The following PDE1C variants were observed in gnomAD, a reference collection of about 807,000 sequenced individuals.
PDE1C encodes phosphodiesterase 1C.
Under a neutral mutation model 93.1 loss-of-function variants are expected in PDE1C, and 62 were observed. That is an observed-to-expected ratio of 0.67 (90% CI 0.54 to 0.82). The LOEUF (loss-of-function observed/expected upper bound fraction) is 0.82. Among genes scored for constraint, PDE1C ranks in the 40% least tolerant of loss-of-function variants. The pLI, the probability that PDE1C is intolerant of heterozygous loss-of-function variation, is 0.00. For synonymous variants in PDE1C, 325 were observed against 310.1 expected (o/e 1.05, Z -0.50); for missense variants, 742 against 884.6 (o/e 0.84, Z 2.04).
intron 2 of PDE1C, among the ~76,000 whole-genome samples, chr7:31,915,699 A>T (rs1008805344): frequency 6.6e-6 from 1 of 152,316 alleles, no homozygotes; most frequent in South Asian, 2.1e-4. Flanking sequence ...ATATATTAGC[A>T]ACTTAGAGAA....
the PDE1C span, among the ~76,000 whole-genome samples, chr7:31,727,988 G>C: frequency 6.6e-6 from 1 of 152,146 alleles, no homozygotes; most frequent in African/African-American, 2.4e-5. Flanking sequence ...AGGTTGTAGT[G>C]AGCTGAGATC....
At chr7:32,323,002 A>G (rs1377223523) in intron 1 of PDE1C, among the ~76,000 whole-genome samples, 2 of 152,200 alleles carry the variant, frequency 1.3e-5, no homozygotes, top group Non-Finnish European at 2.9e-5. Context: ...AAAGGGACCA[A>G]CAAAGACTGG....
chr7:32,354,351 G>A (rs1783992039), intron 1 of PDE1C, among the ~76,000 whole-genome samples: 1 of 152,100 alleles, frequency 6.6e-6, no homozygotes, highest in Non-Finnish European at 1.5e-5. Flanking sequence ...TTTGGGCCAG[G>A]TGCAGTAGCT....
At chr7:31,815,086 C>G (rs1051611544) in intron 15 of PDE1C, among the ~76,000 whole-genome samples, 1 of 151,990 alleles carries the variant, frequency 6.6e-6, no homozygotes, top group African/African-American at 2.4e-5. Flanking sequence ...CATTCAAAAC[C>G]CCCTCTTGAA....
intron 2 of PDE1C, among the ~76,000 whole-genome samples, chr7:31,944,417 G>C (rs140922843): frequency 0.01 from 1,593 of 152,304 alleles, 15 homozygotes; most frequent in Non-Finnish European, 0.019. Context: ...TGCCATTCAA[G>C]GCAGCTCTCC....
rs1239479035 is a variant in PDE1C at position 32,338,473 on chromosome 7, C to CA, written c.310+89348dup. 8.6e-5 allele frequency among the ~76,000 whole-genome samples: 13 copies of CA among 152,032 alleles called. No homozygotes were observed. In the South Asian group the frequency reaches 1.0e-3, roughly 12 times the overall value. On this transcript the variant is annotated intron_variant, in intron 1 of 1. Transcript: ENST00000672256. ...ACTAGTTAAAACAAAACAAAACAAA[C>CA]AAAAAAACAGAAAACTAGTGTTGGC...
At chr7:31,932,485 T>C (rs1350019095) in intron 2 of PDE1C, among the ~76,000 whole-genome samples, 2 of 152,232 alleles carry the variant, frequency 1.3e-5, no homozygotes, top group Middle Eastern at 6.8e-3. Flanking sequence ...CAGTGGTCAT[T>C]AGAGAAATGA....
intron 3 of PDE1C, among the ~76,000 whole-genome samples, chr7:32,088,017 AAAT>A (rs1797220294): frequency 7.0e-6 from 1 of 142,484 alleles, no homozygotes; most frequent in South Asian, 2.5e-4. Flanking sequence ...TAAAATAAAA[AAAT>A]AAAAAATAAA....
At position 31,771,138 on chromosome 7, in the gene PDE1C, C is replaced by A. The variant is rs927538184; in HGVS notation, c.1960+4526G>T. Among the ~76,000 whole-genome samples, 3 of 152,110 alleles carry A rather than the reference C, an allele frequency of 2.0e-5. No individual in the cohort carries two copies. The South Asian group carries it at 6.2e-4, about 32-fold the overall frequency. On this transcript the variant is annotated intron_variant, in intron 17 of 17. Coordinates refer to ENST00000396191, the MANE Select transcript of PDE1C (RefSeq NM_001191057.4). ...CCTAAATACATTTTAAAGTGTTTGA[C>A]AGCCTGCACCAAAAATCAACTTCTT...
At chr7:32,295,898 A>G (rs1812588648) in intron 1 of PDE1C, among the ~76,000 whole-genome samples, 1 of 143,028 alleles carries the variant, frequency 7.0e-6, no homozygotes, top group Non-Finnish European at 1.5e-5. Context: ...TGTCTCAAAA[A>G]AAAAAAAAAA....
chr7:31,818,851 T>C (rs1160681921), intron 14 of PDE1C, among the ~76,000 whole-genome samples: 1 of 152,144 alleles, frequency 6.6e-6, no homozygotes, highest in Non-Finnish European at 1.5e-5. Flanking sequence ...ATAATTTTGA[T>C]AAAAACTGAA....
chr7:32,030,287 A>G, intron 2 of PDE1C, among the ~76,000 whole-genome samples: 1 of 152,064 alleles, frequency 6.6e-6, no homozygotes, highest in East Asian at 1.9e-4. Context: ...ATGATTTTAA[A>G]ACAATAGTAC....
At chr7:32,160,113 C>T (rs1045779460) in intron 3 of PDE1C, among the ~76,000 whole-genome samples, 5 of 151,958 alleles carry the variant, frequency 3.3e-5, no homozygotes, top group African/African-American at 1.2e-4. Context: ...GAAATAAAGG[C>T]GGGAAGGGGA....
At chr7:31,777,912 A>G (rs62457295) in intron 16 of PDE1C, among the ~76,000 whole-genome samples, 6,223 of 152,190 alleles carry the variant, frequency 0.041, 297 homozygotes, top group East Asian at 0.19. Flanking sequence ...TAGAGGGTCC[A>G]ACCCTGGCTG....
intron 2 of PDE1C, among the ~76,000 whole-genome samples, chr7:31,959,196 TTTG>T (rs1211108569): frequency 1.4e-5 from 2 of 147,682 alleles, no homozygotes; most frequent in Admixed American, 7.1e-5. Context: ...TGTTTTTTGT[TTTG>T]TTGTTTGTTT....
At chr7:32,014,155 G>T (rs1787550072) in intron 2 of PDE1C, among the ~76,000 whole-genome samples, 5 of 152,206 alleles carry the variant, frequency 3.3e-5, no homozygotes. Flanking sequence ...AAAGTGCAAT[G>T]CACTGCAATA....
intron 1 of PDE1C, among the ~76,000 whole-genome samples, chr7:32,386,869 A>C (rs1230997075): frequency 6.6e-6 from 1 of 151,538 alleles, no homozygotes; most frequent in African/African-American, 2.4e-5. Context: ...AAGAGGACTC[A>C]TTTTTTTATT....
At chr7:31,706,431 T>C in the PDE1C span, among the ~76,000 whole-genome samples, 1 of 152,194 alleles carries the variant, frequency 6.6e-6, no homozygotes, top group Non-Finnish European at 1.5e-5. Context: ...AAAGGATATT[T>C]TAATCCCCAA....
chr7:31,656,122 T>C, the PDE1C span: 3 of 701,792 alleles, frequency 4.3e-6, no homozygotes, highest in East Asian at 1.3e-4. Context: ...GAAACTCCTA[T>C]ATCACTTTGC....
Sources: gnomAD v4.1 joint callset for allele counts (sites outside exome capture counted in the v4.1 genomes callset) on GRCh38, gnomAD v4.1.1 for gene constraint, MANE v1.5 for transcripts, NCBI Gene and HGNC (gene_info 2026-07-23, HGNC 2026-07-21) for gene names.